EYS: variants seen among roughly 807,000 people sequenced by gnomAD.
The protein encoded by EYS is EGF-like photoreceptor maintenance factor.
Under a neutral mutation model 282.1 loss-of-function variants are expected in EYS, and 250 were observed. The observed-to-expected ratio is 0.89, with a 90% CI of 0.80 to 0.98. The LOEUF (loss-of-function observed/expected upper bound fraction) is 0.98. EYS is among the 50% of genes least tolerant of loss of function. EYS has a pLI of 0.00. For missense variants in EYS, 4,016 were observed against 3,709.0 expected (o/e 1.08, Z -2.15); for synonymous variants, 1,355 against 1,282.9 (o/e 1.06, Z -1.20).
At chr6:65,089,386 G>A (rs1561959958) in intron 12 of EYS, among the ~76,000 whole-genome samples, 1 of 152,276 alleles carries the variant, frequency 6.6e-6, no homozygotes, top group South Asian at 2.1e-4. Flanking sequence ...TGACCTAGAT[G>A]TAAGACAAGG....
rs139801932 is a variant in EYS at position 65,152,709 on chromosome 6, A to G, written c.2024-94982T>C. 2.6e-3 allele frequency among the ~76,000 whole-genome samples: 401 copies of G among 152,064 alleles called. 2 individuals are homozygous for G. Among genetic ancestry groups the G allele is most frequent in the African/African-American group, 9.0e-3 (373 of 41,536 alleles). Reference sequence around the variant, plus strand: ...AGCTAGTATAGTAAAGAGCATACTTAGGTCATTTTGAGTACTTTACTTCCA... The same window carrying G: ...AGCTAGTATAGTAAAGAGCATACTTGGGTCATTTTGAGTACTTTACTTCCA... On this transcript the variant is annotated intron_variant, in intron 12 of 42. Coordinates refer to ENST00000503581, the MANE Select transcript of EYS (RefSeq NM_001142800.2).
At chr6:64,374,921 T>A (rs570415945) in intron 29 of EYS, among the ~76,000 whole-genome samples, 2 of 152,186 alleles carry the variant, frequency 1.3e-5, no homozygotes, top group Non-Finnish European at 2.9e-5. Context: ...AATGAAAAGG[T>A]CATTTTGGAC....
intron 19 of EYS, among the ~76,000 whole-genome samples, chr6:64,852,282 G>C (rs913656102): frequency 1.3e-5 from 2 of 152,132 alleles, no homozygotes; most frequent in African/African-American, 4.8e-5. Flanking sequence ...CCCTTAATCT[G>C]GGTGGGGACC....
chr6:65,274,000 G>C (rs1260514788), intron 12 of EYS, among the ~76,000 whole-genome samples: 5 of 152,144 alleles, frequency 3.3e-5, no homozygotes, highest in African/African-American at 7.2e-5. Flanking sequence ...GTGTCTACCA[G>C]TTAGAACTGG....
intron 28 of EYS, among the ~76,000 whole-genome samples, chr6:64,406,128 A>G (rs1364377717): frequency 6.6e-6 from 1 of 152,214 alleles, no homozygotes; most frequent in Non-Finnish European, 1.5e-5. Flanking sequence ...AGACCAGTGG[A>G]ACATAACAGA....
intron 26 of EYS, among the ~76,000 whole-genome samples, chr6:64,499,188 A>G (rs550817366): frequency 3.3e-4 from 51 of 152,244 alleles, no homozygotes; most frequent in African/African-American, 1.2e-3. Flanking sequence ...ATTATGAACC[A>G]TCAAAATAAG....
intron 2 of EYS, among the ~76,000 whole-genome samples, chr6:65,587,212 T>C (rs1254484325): frequency 6.6e-6 from 1 of 152,196 alleles, no homozygotes; most frequent in South Asian, 2.1e-4. Flanking sequence ...TTTATAATCC[T>C]TTGGCTCAAC....
chr6:64,228,558 C>G (rs1766320850), intron 31 of EYS, among the ~76,000 whole-genome samples: 1 of 152,000 alleles, frequency 6.6e-6, no homozygotes, highest in South Asian at 2.1e-4. Context: ...AAGAAATACT[C>G]TATAGATTAC....
At chr6:65,533,474 A>G (rs988707962) in intron 2 of EYS, among the ~76,000 whole-genome samples, 1 of 152,114 alleles carries the variant, frequency 6.6e-6, no homozygotes, top group Non-Finnish European at 1.5e-5. Flanking sequence ...ATCCTTCTTA[A>G]CCCATTTTAT....
intron 14 of EYS, among the ~76,000 whole-genome samples, chr6:64,957,536 T>C (rs564167448): frequency 2.0e-5 from 3 of 152,290 alleles, no homozygotes; most frequent in Admixed American, 6.5e-5. Context: ...AGGGTGCCTA[T>C]AGTCAATAAC....
intron 26 of EYS, among the ~76,000 whole-genome samples, chr6:64,511,251 G>GATATATATATCATATGTATCATATATATT (rs1777389549): frequency 6.8e-6 from 1 of 146,960 alleles, no homozygotes. Flanking sequence ...ATATATATAT[G>GATATATATATCATATGTATCATATATATT]ATATATATAT....
chr6:63,877,512 T>C (rs914018182), intron 35 of EYS, among the ~76,000 whole-genome samples: 2 of 152,252 alleles, frequency 1.3e-5, no homozygotes, highest in Admixed American at 1.3e-4. Flanking sequence ...ATTTGACTGT[T>C]GGGCTGCCTT....
chr6:65,314,856 A>G (rs1769258378), intron 11 of EYS, among the ~76,000 whole-genome samples: 1 of 152,100 alleles, frequency 6.6e-6, no homozygotes, highest in African/African-American at 2.4e-5. Context: ...TCAACTAACA[A>G]TCCCATACAG....
At chr6:65,412,141 C>A (rs765539042) in intron 5 of EYS, among the ~76,000 whole-genome samples, 1 of 152,048 alleles carries the variant, frequency 6.6e-6, no homozygotes, top group African/African-American at 2.4e-5. Context: ...AAAAAGACAG[C>A]CATTGACAAA....
At chr6:65,271,128 T>TTATATATATATATATA (rs70999188) in intron 12 of EYS, among the ~76,000 whole-genome samples, 4,812 of 55,486 alleles carry the variant, frequency 0.087, 754 homozygotes, top group Middle Eastern at 0.14. Flanking sequence ...AATCAATAGA[T>TTATATATATATATATA]TATATATATA....
At chr6:64,163,822 G>T (rs903038698) in intron 31 of EYS, among the ~76,000 whole-genome samples, 4 of 151,994 alleles carry the variant, frequency 2.6e-5, no homozygotes, top group Non-Finnish European at 5.9e-5. Context: ...TAACTTTCAA[G>T]ACAAAGCAAA....
At chr6:65,628,076 G>A (rs1330219540) in intron 2 of EYS, among the ~76,000 whole-genome samples, 2 of 152,338 alleles carry the variant, frequency 1.3e-5, no homozygotes, top group Admixed American at 6.5e-5. Flanking sequence ...TCAGCACCGT[G>A]TGTCTAGCTC....
chr6:64,296,281 C>T (rs1407421351), intron 30 of EYS, among the ~76,000 whole-genome samples: 1 of 152,046 alleles, frequency 6.6e-6, no homozygotes, highest in Non-Finnish European at 1.5e-5. Flanking sequence ...AGATTGAATG[C>T]AGAAGCACAT....
At chr6:64,010,174 G>A (rs1024877862) in intron 33 of EYS, among the ~76,000 whole-genome samples, 7 of 152,212 alleles carry the variant, frequency 4.6e-5, no homozygotes, top group Admixed American at 2.6e-4. Flanking sequence ...CTCCGGTGAA[G>A]GGGAGCTGGC....
Sources: gnomAD v4.1 joint callset for allele counts (sites outside exome capture counted in the v4.1 genomes callset) on GRCh38, gnomAD v4.1.1 for gene constraint, MANE v1.5 for transcripts, NCBI Gene and HGNC (gene_info 2026-07-23, HGNC 2026-07-21) for gene names.